EMC1: variants seen among roughly 807,000 people sequenced by gnomAD.
EMC1 encodes ER membrane protein complex subunit 1, also known as KIAA0090.
A neutral mutation model predicts 128.8 loss-of-function variants in EMC1; 103 were observed. The ratio of observed to expected loss-of-function variants is 0.80; its 90% CI spans 0.68 to 0.94. The LOEUF is 0.94. Among genes scored for constraint, EMC1 ranks in the 40% least tolerant of loss-of-function variants. The probability of loss-of-function intolerance (pLI) is 0.00; values close to 1 mark genes in which losing one functional copy is unlikely to be tolerated. For missense variants in EMC1, 1,083 were observed against 1,250.6 expected, an observed-to-expected ratio of 0.87 and a Z score of 2.02; for synonymous variants, 442 against 490.4, an observed-to-expected ratio of 0.90 and a Z score of 1.30.
chr1:19,230,758 A>G (rs1041564774), intron 17 of EMC1, 86 bp downstream of exon 17: 1 of 1,508,114 alleles, frequency 6.6e-7, no homozygotes. Flanking sequence ...CAGTAGAATG[A>G]GTAGCATAAT....
chr1:19,237,312 C>T, intron 11 of EMC1, 74 bp from the exon 12 acceptor site: 2 of 1,032,394 alleles, frequency 1.9e-6, no homozygotes, highest in Non-Finnish European at 3.1e-6. Flanking sequence ...CCCCAGGAGT[C>T]AAAGCCTGGA....
chr1:19,219,626 T>C lies in EMC1; in HGVS notation c.2745A>G (p.Thr915=). 1.2e-6 allele frequency: 2 copies of C among 1,611,950 alleles called. No homozygotes were observed. The highest frequency in any genetic ancestry group is 1.7e-6 in the Non-Finnish European group (2 of 1,179,272). Residue 915 remains threonine, a synonymous_variant, in exon 22 of 23, where the codon ACA becomes ACG. Transcript: ENST00000477853. ...HAERFINYNQ[T]VSRMRGIYTA... ...TGTAGATACCTCGCATTCGAGAAAC[T>C]GTCTGGTTATAGTTGATGAATCGCT...
intron 10 of EMC1, 131 bp from the exon 11 acceptor site, chr1:19,238,270 A>G: frequency 1.0e-6 from 1 of 995,962 alleles, no homozygotes; most frequent in Non-Finnish European, 1.5e-6. Flanking sequence ...TATGCAAAGG[A>G]GAATAAAAGA....
intron 1 of EMC1, among the ~76,000 whole-genome samples, chr1:19,249,752 C>A (rs1409639720): frequency 6.6e-6 from 1 of 151,484 alleles, no homozygotes; most frequent in African/African-American, 2.4e-5. Context: ...TGGCAAAACC[C>A]CGTCTCTACA....
intron 8 of EMC1, chr1:19,239,539 T>A (rs1325031180): frequency 3.4e-6 from 2 of 586,532 alleles, no homozygotes; most frequent in East Asian, 5.6e-5. Context: ...CCATGCTGCT[T>A]GTTCTTACTA....
chr1:19,224,584 T>C lies in EMC1; in HGVS notation c.2203-1015A>G, dbSNP rs534200110. On this transcript the variant is annotated intron_variant, in intron 18 of 22. Transcript: ENST00000477853. ...ACCTGATCCCTCCTTCCCACCTCCA[T>C]GCTACCAGCCCAGCTCCAGCCACCA... 7.2e-5 allele frequency among the ~76,000 whole-genome samples: 11 copies of C among 152,270 alleles called. No homozygotes were observed. In the South Asian group the frequency reaches 1.0e-3, roughly 14 times the overall value.
intron 16 of EMC1, 73 bp downstream of exon 16, chr1:19,231,188 G>A (rs1558099605): frequency 3.4e-6 from 5 of 1,492,502 alleles, no homozygotes; most frequent in South Asian, 1.3e-5. Context: ...CCATCTCCGG[G>A]CCGCTGTGTT....
intron 21 of EMC1, chr1:19,220,044 G>T: frequency 4.1e-6 from 1 of 246,658 alleles, no homozygotes; most frequent in Non-Finnish European, 7.9e-6. Context: ...CCACTCCAGG[G>T]TGCCTCTCAG....
intron 15 of EMC1, among the ~76,000 whole-genome samples, chr1:19,232,230 G>C (rs182756874): frequency 6.6e-6 from 1 of 152,148 alleles, no homozygotes; most frequent in Non-Finnish European, 1.5e-5. Flanking sequence ...CCAGGCAGCC[G>C]TTCCAGGAAA....
intron 18 of EMC1, 94 bp from the exon 19 acceptor site, chr1:19,223,663 G>A: frequency 1.7e-6 from 2 of 1,169,614 alleles, no homozygotes; most frequent in Non-Finnish European, 1.2e-6. Context: ...TCTCCAGCCT[G>A]GCAGAGGAAT....
chr1:19,221,675 C>T (rs2093432817), intron 20 of EMC1: 1 of 151,974 alleles, frequency 6.6e-6, no homozygotes, highest in Non-Finnish European at 1.5e-5. Context: ...GCCAAGTGCC[C>T]ATCAGATCTG....
At chr1:19,237,111 T>A in intron 12 of EMC1, 31 bp downstream of exon 12, 1 of 1,519,976 alleles carries the variant, frequency 6.6e-7, no homozygotes, top group Non-Finnish European at 9.1e-7. Flanking sequence ...CCTGGGGAAA[T>A]AAAAAAATGG....
intron 4 of EMC1, 46 bp downstream of exon 4, chr1:19,243,568 G>T: frequency 6.5e-7 from 1 of 1,534,274 alleles, no homozygotes; most frequent in South Asian, 1.1e-5. Flanking sequence ...CTGTGTTCCG[G>T]TGAAGCCTTT....
rs2093652820 is a variant in EMC1 at position 19,250,347 on chromosome 1, T to C, written c.95+1068A>G. 2.0e-5 allele frequency among the ~76,000 whole-genome samples: 3 copies of C among 151,740 alleles called. No individual in the cohort carries two copies. The South Asian group carries it at 6.3e-4, about 32-fold the overall frequency. ...CTAAGCAGTTAGGAAATGCCATTCA[T>C]TCATTCATTCATTCATGAAAATAAA... On this transcript the variant is annotated intron_variant, in intron 1 of 22. Coordinates refer to ENST00000477853, the MANE Select transcript of EMC1 (RefSeq NM_015047.3).
In EMC1 at chr1:19,216,650, C is replaced by T. The variant is rs1400929456; in HGVS notation, c.*2653G>A. On this transcript the variant is annotated 3_prime_UTR_variant, in exon 23 of 23. Transcript: ENST00000477853. ...TATACAAGAACAAACACTAGACTACCAGTGCTCATATACGTAATTAATGAA... is the reference window on the plus strand; with the variant it reads ...TATACAAGAACAAACACTAGACTACTAGTGCTCATATACGTAATTAATGAA... 2 of 152,152 alleles carry T rather than the reference C, an allele frequency of 1.3e-5. No homozygotes were observed. The allele number at this position is 152,152 out of a possible 1,614,324, so 9.4% of individuals were successfully genotyped here. A position where few individuals can be genotyped will look rare whatever the true frequency, so the allele number is the denominator to read the frequency against.
intron 15 of EMC1, among the ~76,000 whole-genome samples, chr1:19,232,107 C>A (rs1210446881): frequency 6.6e-6 from 1 of 152,076 alleles, no homozygotes; most frequent in Non-Finnish European, 1.5e-5. Context: ...ACTAAACATA[C>A]AAAAATCAGC....
intron 1 of EMC1, among the ~76,000 whole-genome samples, chr1:19,248,866 G>A (rs1466667676): frequency 6.6e-6 from 1 of 151,974 alleles, no homozygotes; most frequent in Non-Finnish European, 1.5e-5. Flanking sequence ...TTTTAGTATT[G>A]TAGGAAAAAG....
rs1553250515 is a variant in EMC1, at chr1:19,216,244, C to CAAAAAAAAAAAAAAAA, written c.*3058_*3059insTTTTTTTTTTTTTTTT. ...AGAGACCCTGCCTCCAAAAAAAAAG[C>CAAAAAAAAAAAAAAAA]AATTTATAAAGGCAGTGAAATTACA... On this transcript the variant is annotated 3_prime_UTR_variant, in exon 23 of 23. Transcript: ENST00000477853. 1.0e-5 allele frequency: 1 copy of CAAAAAAAAAAAAAAAA among 98,116 alleles called. No individual in the cohort carries two copies. Among genetic ancestry groups the CAAAAAAAAAAAAAAAA allele is most frequent in the African/African-American group, 3.5e-5 (1 of 28,444 alleles). The allele number at this position is 98,116 out of a possible 1,614,324, so 6.1% of individuals were successfully genotyped here.
At chr1:19,223,035 CA>C in intron 19 of EMC1, 1 of 574,624 alleles carries the variant, frequency 1.7e-6, no homozygotes, top group Non-Finnish European at 3.1e-6. Flanking sequence ...CACCACAAAA[CA>C]AAGGAAATTC....
Sources: allele counts gnomAD v4.1 joint callset (sites outside exome capture counted in the v4.1 genomes callset), GRCh38; gene constraint gnomAD v4.1.1; transcripts MANE v1.5; gene names NCBI Gene and HGNC (gene_info 2026-07-23, HGNC 2026-07-21).